AAMDC: variants seen among roughly 807,000 people sequenced by gnomAD.
AAMDC encodes the protein mth938 domain-containing protein.
A neutral mutation model predicts 15.5 loss-of-function variants in AAMDC; 16 were observed. The observed-to-expected ratio is 1.03, with a 90% confidence interval of 0.70 to 1.57. AAMDC has a LOEUF of 1.57. AAMDC is among the 40% of genes most tolerant of loss of function. The pLI is 0.00. For synonymous variants in AAMDC, 51 were observed against 51.6 expected (o/e 0.99, Z 0.05); for missense variants, 141 against 144.9 (o/e 0.97, Z 0.14).
chr11:77,876,951 C>T, downstream of AAMDC: 1 of 703,228 alleles, frequency 1.4e-6, no homozygotes, highest in South Asian at 1.5e-5. Flanking sequence ...TTTGTCTAGG[C>T]TCCAACCCAG....
chr11:77,853,209 A>T (rs1950473158), intron 2 of AAMDC, among the ~76,000 whole-genome samples: 1 of 152,250 alleles, frequency 6.6e-6, no homozygotes, highest in African/African-American at 2.4e-5. Context: ...TTTGTTAGTA[A>T]AAGTGAACAG....
intron 5 of AAMDC, among the ~76,000 whole-genome samples, chr11:77,893,354 C>T (rs1323087200): frequency 1.3e-5 from 2 of 152,082 alleles, no homozygotes; most frequent in African/African-American, 4.8e-5. Context: ...ACCTGTAATC[C>T]CAATACTTTG....
chr11:77,855,906 T>C (rs1565207577), intron 2 of AAMDC, among the ~76,000 whole-genome samples: 1 of 151,896 alleles, frequency 6.6e-6, no homozygotes, highest in Non-Finnish European at 1.5e-5. Context: ...TTGCTTAAGT[T>C]CAGGAGTTCA....
chr11:77,846,638 G>T (rs1443851388), intron 2 of AAMDC, among the ~76,000 whole-genome samples: 1 of 152,166 alleles, frequency 6.6e-6, no homozygotes. Context: ...CCCGGGAGGT[G>T]GAGGTTGCGG....
At chr11:77,875,794 A>G (rs1431886984), downstream of AAMDC, among the ~76,000 whole-genome samples, 2 of 152,218 alleles carry the variant, frequency 1.3e-5, no homozygotes, top group African/African-American at 2.4e-5. Flanking sequence ...ATGGAAGGAA[A>G]GAACCACAGG....
intron 5 of AAMDC, among the ~76,000 whole-genome samples, chr11:77,883,170 T>C (rs2136358231): frequency 6.6e-6 from 1 of 152,234 alleles, no homozygotes; most frequent in African/African-American, 2.4e-5. Flanking sequence ...ATCTCTAAAA[T>C]AAACCAAATT....
At chr11:77,859,391 TA>T (rs1950779390) in intron 2 of AAMDC, among the ~76,000 whole-genome samples, 1 of 152,222 alleles carries the variant, frequency 6.6e-6, no homozygotes, top group Non-Finnish European at 1.5e-5. Context: ...GTACAGCCAA[TA>T]ATAATTTCCT....
chr11:77,905,771 G>A (rs1952932737), intron 3 of AAMDC, among the ~76,000 whole-genome samples: 1 of 152,176 alleles, frequency 6.6e-6, no homozygotes, highest in Admixed American at 6.5e-5. Context: ...GATGACCACA[G>A]TTAAAAAGCT....
downstream of AAMDC, among the ~76,000 whole-genome samples, chr11:77,901,998 G>C (rs888215265): frequency 6.6e-6 from 1 of 152,160 alleles, no homozygotes; most frequent in Admixed American, 6.5e-5. Flanking sequence ...TGGTCTGAGG[G>C]AGTTTGGGAC....
chr11:77,846,729 T>C (rs1051214773), intron 2 of AAMDC, among the ~76,000 whole-genome samples: 6 of 152,186 alleles, frequency 3.9e-5, no homozygotes, highest in African/African-American at 1.4e-4. Context: ...TAGTATCCTT[T>C]AGAAGTTCTT....
chr11:77,904,556 TAAC>T (rs1474357041), downstream of AAMDC, among the ~76,000 whole-genome samples: 1 of 152,232 alleles, frequency 6.6e-6, no homozygotes, highest in Non-Finnish European at 1.5e-5. Flanking sequence ...CAGTTTGGAC[TAAC>T]AACTTTTTGA....
chr11:77,849,312 C>A (rs1010697739), intron 2 of AAMDC, among the ~76,000 whole-genome samples: 1 of 152,122 alleles, frequency 6.6e-6, no homozygotes, highest in South Asian at 2.1e-4. Context: ...ACCTCTGACT[C>A]CCGGGTTCAA....
intron 2 of AAMDC, among the ~76,000 whole-genome samples, chr11:77,859,300 CT>C (rs1230632580): frequency 1.3e-5 from 2 of 152,148 alleles, no homozygotes; most frequent in African/African-American, 4.8e-5. Context: ...TCAATATCTG[CT>C]TGGTAGTTCC....
intron 1 of AAMDC, among the ~76,000 whole-genome samples, chr11:77,834,844 T>A (rs1162712715): frequency 6.6e-6 from 1 of 152,202 alleles, no homozygotes; most frequent in East Asian, 1.9e-4. Context: ...TCTGATGGCT[T>A]TAGTTTCAAA....
chr11:77,846,072 C>T (rs1411565911), intron 2 of AAMDC, among the ~76,000 whole-genome samples: 1 of 152,054 alleles, frequency 6.6e-6, no homozygotes, highest in Non-Finnish European at 1.5e-5. Flanking sequence ...ATCAACTCCC[C>T]CTCCCATTCT....
At chr11:77,900,139 GC>G (rs1462717204) in intron 5 of AAMDC, among the ~76,000 whole-genome samples, 17 of 150,366 alleles carry the variant, frequency 1.1e-4, no homozygotes, top group Admixed American at 3.3e-4. Context: ...TTGCTCTGTT[GC>G]CCAGGCTGGA....
At chr11:77,840,930 T>C in intron 1 of AAMDC, 1 of 420,776 alleles carries the variant, frequency 2.4e-6, no homozygotes, top group Non-Finnish European at 4.3e-6. Flanking sequence ...TAATCCATTT[T>C]GTGCTTAATC....
chr11:77,876,077 C>T (rs895603101), downstream of AAMDC, among the ~76,000 whole-genome samples: 4 of 152,030 alleles, frequency 2.6e-5, no homozygotes, highest in African/African-American at 7.2e-5. Context: ...GTGGTTCCAT[C>T]AGTATACAAA....
At chr11:77,831,472 T>C (rs1949421237) in intron 1 of AAMDC, among the ~76,000 whole-genome samples, 1 of 152,210 alleles carries the variant, frequency 6.6e-6, no homozygotes, top group Admixed American at 6.5e-5. Context: ...ACAGATTCTT[T>C]GGCTACTCCT....
Sources: allele counts gnomAD v4.1 joint callset (sites outside exome capture counted in the v4.1 genomes callset), GRCh38; gene constraint gnomAD v4.1.1; transcripts MANE v1.5; gene names NCBI Gene and HGNC (gene_info 2026-07-23, HGNC 2026-07-21).